The following IQCM variants were observed in gnomAD, a reference collection of about 807,000 sequenced individuals.
IQCM encodes IQ domain-containing protein M.
A neutral mutation model predicts 57.6 loss-of-function variants in IQCM; 45 were observed. That is an observed-to-expected ratio of 0.78 (90% CI 0.62 to 1.00). The LOEUF (loss-of-function observed/expected upper bound fraction) is 1.00. IQCM is among the 50% of genes least tolerant of loss of function. The probability of loss-of-function intolerance (pLI) is 0.00; values close to 1 mark genes in which losing one functional copy is unlikely to be tolerated. For missense variants in IQCM, 468 were observed against 511.6 expected (o/e 0.91, Z 0.82); for synonymous variants, 148 against 158.9 (o/e 0.93, Z 0.51).
chr4:149,694,101 A>G (rs1763140465), intron 5 of IQCM, among the ~76,000 whole-genome samples: 1 of 152,198 alleles, frequency 6.6e-6, no homozygotes, highest in Non-Finnish European at 1.5e-5. Flanking sequence ...TGTTATAAGA[A>G]TCAATCAATA....
intron 13 of IQCM, among the ~76,000 whole-genome samples, chr4:149,363,402 T>C (rs1729625115): frequency 6.6e-6 from 1 of 152,160 alleles, no homozygotes; most frequent in African/African-American, 2.4e-5. Context: ...TATTTATAAG[T>C]GCATGCAAGA....
chr4:149,745,888 G>C (rs1767879503), intron 2 of IQCM, among the ~76,000 whole-genome samples: 1 of 152,034 alleles, frequency 6.6e-6, no homozygotes, highest in African/African-American at 2.4e-5. Context: ...GGGAGGATCA[G>C]TTGAGCCTGG....
intron 12 of IQCM, among the ~76,000 whole-genome samples, chr4:149,509,650 T>C (rs1398662353): frequency 1.3e-5 from 2 of 152,160 alleles, no homozygotes; most frequent in African/African-American, 4.8e-5. Context: ...AGTCTGCTTA[T>C]TAGTGGAGGA....
intron 12 of IQCM, among the ~76,000 whole-genome samples, chr4:149,475,115 AG>A (rs1230949200): frequency 6.6e-6 from 1 of 152,248 alleles, no homozygotes; most frequent in African/African-American, 2.4e-5. Flanking sequence ...CTGTGCTGTT[AG>A]AGGGTCACAA....
At chr4:149,387,371 T>C (rs755484718) in intron 13 of IQCM, among the ~76,000 whole-genome samples, 8 of 152,066 alleles carry the variant, frequency 5.3e-5, no homozygotes, top group Non-Finnish European at 8.8e-5. Context: ...ACACAGACTT[T>C]CCGATCATAG....
intron 13 of IQCM, among the ~76,000 whole-genome samples, chr4:149,357,036 G>C (rs7655619): frequency 0.28 from 42,785 of 151,886 alleles, 6,168 homozygotes; most frequent in Middle Eastern, 0.33. Flanking sequence ...TCATGATTTG[G>C]CTCTCTGTTT....
chr4:149,671,435 A>T (rs1761274252), intron 7 of IQCM, among the ~76,000 whole-genome samples: 1 of 152,000 alleles, frequency 6.6e-6, no homozygotes, highest in South Asian at 2.1e-4. Context: ...CAGCTCCTGG[A>T]CTCACTGATA....
At chr4:149,366,640 G>A (rs7699663) in intron 13 of IQCM, among the ~76,000 whole-genome samples, 1 of 151,582 alleles carries the variant, frequency 6.6e-6, no homozygotes, top group African/African-American at 2.4e-5. Flanking sequence ...GTGGAAAGTC[G>A]ATTAGCTTAG....
intron 12 of IQCM, among the ~76,000 whole-genome samples, chr4:149,468,832 G>A (rs1739170487): frequency 6.6e-6 from 1 of 152,210 alleles, no homozygotes; most frequent in Non-Finnish European, 1.5e-5. Context: ...TTGCTGTTCT[G>A]CAGCCTCTGC....
At position 149,679,024 on chromosome 4, in the gene IQCM, T is replaced by C. The variant is rs1480927833; in HGVS notation, c.565+3094A>G. ...CTACCGTATGATCCAGAAATTCTGCTATTGGGTATATATCTTTTAAAAAGG... is the reference window on the plus strand; with the variant it reads ...CTACCGTATGATCCAGAAATTCTGCCATTGGGTATATATCTTTTAAAAAGG... On this transcript the variant is annotated intron_variant, in intron 7 of 13. Transcript: ENST00000636793. Among the ~76,000 whole-genome samples the C allele has an allele frequency of 5.3e-5, 8 of 151,708 alleles. No homozygotes were observed. The East Asian group carries it at 1.2e-3, about 22-fold the overall frequency.
intron 12 of IQCM, among the ~76,000 whole-genome samples, chr4:149,485,223 T>C (rs1741340373): frequency 6.6e-6 from 1 of 152,048 alleles, no homozygotes. Flanking sequence ...TTCTATAATC[T>C]TCTTATATGT....
chr4:149,482,169 A>G (rs926330426), intron 12 of IQCM, among the ~76,000 whole-genome samples: 6 of 151,934 alleles, frequency 3.9e-5, no homozygotes, highest in Non-Finnish European at 8.8e-5. Flanking sequence ...CAGTTGTAAT[A>G]GTTTTTTGGT....
intron 13 of IQCM, among the ~76,000 whole-genome samples, chr4:149,420,967 G>A (rs1579002305): frequency 6.6e-6 from 1 of 151,654 alleles, no homozygotes; most frequent in East Asian, 1.9e-4. Context: ...TAGACAGACT[G>A]TCAGATGGAG....
chr4:149,629,535 G>C (rs1342726136), intron 7 of IQCM, among the ~76,000 whole-genome samples: 1 of 151,896 alleles, frequency 6.6e-6, no homozygotes, highest in African/African-American at 2.4e-5. Context: ...AACAGCCTCT[G>C]GGTGTTCCTA....
chr4:149,443,234 C>T (rs943351312), intron 12 of IQCM, among the ~76,000 whole-genome samples: 1 of 151,988 alleles, frequency 6.6e-6, no homozygotes, highest in African/African-American at 2.4e-5. Flanking sequence ...GTCAATTGAT[C>T]ATGAACTTCA....
At chr4:149,705,602 T>C (rs1174356038) in intron 5 of IQCM, among the ~76,000 whole-genome samples, 3 of 151,862 alleles carry the variant, frequency 2.0e-5, no homozygotes, top group Admixed American at 2.0e-4. Flanking sequence ...TAGGCAAAAA[T>C]TATAATTTAA....
intron 7 of IQCM, among the ~76,000 whole-genome samples, chr4:149,645,565 A>G (rs1758559978): frequency 6.6e-6 from 1 of 152,212 alleles, no homozygotes; most frequent in African/African-American, 2.4e-5. Flanking sequence ...ACTACCCAAG[A>G]GTAAGGTGAT....
At chr4:149,491,386 T>A (rs1742077488) in intron 12 of IQCM, among the ~76,000 whole-genome samples, 1 of 152,098 alleles carries the variant, frequency 6.6e-6, no homozygotes, top group Non-Finnish European at 1.5e-5. Flanking sequence ...AACTTATTAT[T>A]CCTAATTGAA....
At chr4:149,634,018 T>G (rs1757514743) in intron 7 of IQCM, among the ~76,000 whole-genome samples, 2 of 152,166 alleles carry the variant, frequency 1.3e-5, no homozygotes, top group African/African-American at 4.8e-5. Context: ...CTTTTATTAT[T>G]TATTTATTTG....
Sources: allele counts gnomAD v4.1 joint callset (sites outside exome capture counted in the v4.1 genomes callset), GRCh38; gene constraint gnomAD v4.1.1; transcripts MANE v1.5; gene names NCBI Gene and HGNC (gene_info 2026-07-23, HGNC 2026-07-21).